ELMO1: variants seen among roughly 807,000 people sequenced by gnomAD.
The protein encoded by ELMO1 is engulfment and cell motility protein 1.
Under a neutral mutation model 98.9 loss-of-function variants are expected in ELMO1, and 26 were observed. That is an observed-to-expected ratio of 0.26 (90% CI 0.19 to 0.36). The LOEUF is 0.36. ELMO1 is among the 10% of genes least tolerant of loss of function. The pLI is 1.00. For synonymous variants in ELMO1, 346 were observed against 346.0 expected (o/e 1.00, Z 0.00); for missense variants, 627 against 935.2 (o/e 0.67, Z 4.30).
At chr7:37,088,904 T>G (rs1328989470) in intron 15 of ELMO1, among the ~76,000 whole-genome samples, 3 of 152,134 alleles carry the variant, frequency 2.0e-5, no homozygotes, top group African/African-American at 7.2e-5. Flanking sequence ...AAGGTTGAAA[T>G]AGAATGTAAG....
intron 19 of ELMO1, among the ~76,000 whole-genome samples, chr7:36,873,187 T>G (rs1803670493): frequency 1.3e-5 from 2 of 152,224 alleles, no homozygotes; most frequent in African/African-American, 4.8e-5. Flanking sequence ...TAAAGGTTGC[T>G]TTTTGCATAG....
At chr7:37,188,501 AAATAAT>A (rs57721398) in intron 13 of ELMO1, among the ~76,000 whole-genome samples, 3 of 125,960 alleles carry the variant, frequency 2.4e-5, no homozygotes, top group African/African-American at 9.1e-5. Context: ...AAAAAAAAAA[AAATAAT>A]AATAATAATA....
At chr7:37,221,203 C>T (rs1051974020) in intron 10 of ELMO1, among the ~76,000 whole-genome samples, 8 of 152,184 alleles carry the variant, frequency 5.3e-5, no homozygotes, top group African/African-American at 1.9e-4. Context: ...TATAAAGTGA[C>T]ACCACTACTT....
At chr7:36,966,165 G>C (rs563732589) in intron 16 of ELMO1, among the ~76,000 whole-genome samples, 2 of 152,288 alleles carry the variant, frequency 1.3e-5, no homozygotes, top group African/African-American at 4.8e-5. Context: ...CCCCATTCAA[G>C]TCTTACATTA....
At chr7:37,261,895 C>A (rs1795995830) in intron 5 of ELMO1, among the ~76,000 whole-genome samples, 1 of 152,210 alleles carries the variant, frequency 6.6e-6, no homozygotes, top group South Asian at 2.1e-4. Context: ...AGCCACCACG[C>A]CCAGCTGATT....
intron 15 of ELMO1, among the ~76,000 whole-genome samples, chr7:37,031,685 C>T (rs555042513): frequency 1.6e-4 from 24 of 152,254 alleles, no homozygotes; most frequent in East Asian, 3.9e-4. Flanking sequence ...CTTAGGACTA[C>T]GCCTTCTCTG....
intron 16 of ELMO1, among the ~76,000 whole-genome samples, chr7:36,962,223 G>C (rs2129121592): frequency 6.6e-6 from 1 of 152,284 alleles, no homozygotes; most frequent in Non-Finnish European, 1.5e-5. Context: ...TGCTTGAACT[G>C]AAATCACAGG....
In ELMO1 at chr7:37,211,529, A is replaced by G. The variant is rs971329892; in HGVS notation, c.955-12T>C. 1.2e-6 allele frequency: 2 copies of G among 1,612,614 alleles called. No individual in the cohort carries two copies. The highest frequency in any genetic ancestry group is 8.5e-7 in the Non-Finnish European group (1 of 1,179,202). ...ATGTCCCTCTGAGCCTGAAGGAATCAGGGAGTAAAAAGAAAAGGGAGGGGA... is the reference window on the plus strand; with the variant it reads ...ATGTCCCTCTGAGCCTGAAGGAATCGGGGAGTAAAAAGAAAAGGGAGGGGA... On this transcript the variant is annotated splice_polypyrimidine_tract_variant and intron_variant, in intron 12 of 21. Coordinates refer to ENST00000310758, the MANE Select transcript of ELMO1 (RefSeq NM_014800.11).
chr7:37,367,984 T>C (rs1376992922), intron 1 of ELMO1, among the ~76,000 whole-genome samples: 1 of 152,240 alleles, frequency 6.6e-6, no homozygotes, highest in East Asian at 1.9e-4. Context: ...AATCATAATT[T>C]TTTAAAGCAT....
chr7:37,123,017 A>G (rs997234572), intron 14 of ELMO1, among the ~76,000 whole-genome samples: 4 of 152,118 alleles, frequency 2.6e-5, no homozygotes, highest in Non-Finnish European at 5.9e-5. Flanking sequence ...AAACTGAACA[A>G]CCTGCTCCTG....
rs1793692941 is a variant in ELMO1 at position 37,013,382 on chromosome 7, A to G, written c.1354T>C (p.Phe452Leu). 1.2e-6 allele frequency: 2 copies of G among 1,614,118 alleles called. No individual in the cohort carries two copies. Among genetic ancestry groups the G allele is most frequent in the South Asian group, 1.1e-5 (1 of 91,086 alleles). ...HPMFFTHDRS[F>L]EEFFCICIQL... ...ATACAGATGCAGAAAAACTCCTCAA[A>G]GGATCTGTCGTGGGTGAAGAACATC... Residue 452 changes from phenylalanine to leucine, a missense_variant, in exon 16 of 22, where the codon TTT becomes CTT. Physicochemically the swap from Phe to Leu is conservative, Grantham distance 22. Transcript: ENST00000310758.
chr7:37,121,222 C>T (rs917412392), intron 14 of ELMO1, among the ~76,000 whole-genome samples: 1 of 152,216 alleles, frequency 6.6e-6, no homozygotes, highest in African/African-American at 2.4e-5. Flanking sequence ...GAGCGCCTCT[C>T]CTCCTCCAAA....
intron 4 of ELMO1, among the ~76,000 whole-genome samples, chr7:37,313,310 C>T (rs1311143118): frequency 6.6e-6 from 1 of 152,150 alleles, no homozygotes; most frequent in Non-Finnish European, 1.5e-5. Context: ...CTGCAACCTC[C>T]GCCTCCCAGG....
At chr7:37,371,756 A>T (rs1426692521) in intron 1 of ELMO1, among the ~76,000 whole-genome samples, 1 of 152,274 alleles carries the variant, frequency 6.6e-6, no homozygotes, top group Admixed American at 6.5e-5. Flanking sequence ...TGGTTCTCCT[A>T]ATTAGTGGCC....
At chr7:37,424,252 G>A (rs1407500819) in intron 1 of ELMO1, among the ~76,000 whole-genome samples, 1 of 152,180 alleles carries the variant, frequency 6.6e-6, no homozygotes, top group African/African-American at 2.4e-5. Flanking sequence ...CTGACCACCT[G>A]GGCAGCTCCG....
chr7:36,930,781 G>A (rs184010415), intron 16 of ELMO1, among the ~76,000 whole-genome samples: 11 of 152,260 alleles, frequency 7.2e-5, no homozygotes, highest in Admixed American at 2.6e-4. Context: ...AATTTCAGCT[G>A]TTTTCCAATA....
intron 15 of ELMO1, among the ~76,000 whole-genome samples, chr7:37,044,918 G>C (rs1236287160): frequency 6.6e-6 from 1 of 152,154 alleles, no homozygotes; most frequent in Non-Finnish European, 1.5e-5. Context: ...GCTGCTGTGG[G>C]CTATTTATTT....
At chr7:36,989,889 T>C (rs1791758462) in intron 16 of ELMO1, among the ~76,000 whole-genome samples, 1 of 152,232 alleles carries the variant, frequency 6.6e-6, no homozygotes, top group African/African-American at 2.4e-5. Context: ...ATAAGTTTTT[T>C]AAGGTAATTT....
intron 1 of ELMO1, among the ~76,000 whole-genome samples, chr7:37,418,308 A>C (rs1804317135): frequency 6.6e-6 from 1 of 152,204 alleles, no homozygotes; most frequent in Non-Finnish European, 1.5e-5. Flanking sequence ...ATTAATTTTC[A>C]CATTAGAGCA....
Sources: gnomAD v4.1 joint callset for allele counts (sites outside exome capture counted in the v4.1 genomes callset) on GRCh38, gnomAD v4.1.1 for gene constraint, MANE v1.5 for transcripts, NCBI Gene and HGNC (gene_info 2026-07-23, HGNC 2026-07-21) for gene names.